Variants in GABRE observed in about 807,000 individuals in gnomAD.
GABRE encodes the protein gamma-aminobutyric acid receptor subunit epsilon.
In GABRE, 20 loss-of-function variants were observed where a neutral mutation model predicts 31.0. That is an observed-to-expected ratio of 0.64 (90% CI 0.45 to 0.94). GABRE has a LOEUF of 0.94. GABRE is among the 40% of genes least tolerant of loss of function. The pLI, the probability that GABRE is intolerant of heterozygous loss-of-function variation, is 0.00. For missense variants in GABRE, 420 were observed against 410.7 expected, an observed-to-expected ratio of 1.02 and a Z score of -0.20; for synonymous variants, 155 against 150.6, an observed-to-expected ratio of 1.03 and a Z score of -0.21.
chrX:151,956,183 T>G, intron 6 of GABRE: 1 of 247,939 alleles, frequency 4.0e-6, no homozygotes, highest in Non-Finnish European at 7.2e-6. Flanking sequence ...GCCTTCTAGA[T>G]ATCATGCCCA....
intron 1 of GABRE, chrX:151,971,982 A>G: frequency 1.4e-6 from 1 of 706,571 alleles, no homozygotes; most frequent in Non-Finnish European, 1.7e-6. Context: ...ACTTGTGAAA[A>G]GCCACTGAGC....
intron 3 of GABRE, among the ~76,000 whole-genome samples, chrX:151,965,232 CTTTT>C (rs746007268): frequency 0.012 from 1,316 of 111,820 alleles, 26 homozygotes; most frequent in African/African-American, 0.041. Context: ...CAAGGAGAAT[CTTTT>C]TTTATTTTGC....
intron 1 of GABRE, 62 bp downstream of exon 1, chrX:151,974,501 AGCCGTCC>A: frequency 3.6e-6 from 2 of 563,090 alleles, no homozygotes; most frequent in South Asian, 3.1e-5. Flanking sequence ...GGGTCCCGGG[AGCCGTCC>A]CGGCTCCCGG....
chrX:151,970,596 G>A, intron 1 of GABRE, 194 bp from the exon 2 acceptor site: 1 of 443,710 alleles, frequency 2.3e-6, no homozygotes, highest in Non-Finnish European at 3.7e-6. Flanking sequence ...TGCTCTTTGG[G>A]GACTTTCTAT....
chrX:151,969,809 G>A, intron 2 of GABRE, 73 bp from the exon 3 acceptor site: 1 of 1,162,200 alleles, frequency 8.6e-7, no homozygotes. Flanking sequence ...AGTGGTCAGA[G>A]GGGATGAAAG....
chrX:151,961,122 T>C, intron 5 of GABRE, 161 bp downstream of exon 5: 3 of 457,041 alleles, frequency 6.6e-6, no homozygotes, highest in Non-Finnish European at 7.8e-6. Context: ...AACACAGTAT[T>C]GTTGGCAGGA....
intron 1 of GABRE, chrX:151,972,668 T>C (rs2070450160): frequency 1.2e-5 from 9 of 751,859 alleles, no homozygotes; most frequent in Non-Finnish European, 1.1e-5. Context: ...AAAAATGATA[T>C]CAGAGGGTCA....
At chrX:151,956,822 C>T (rs1228755504) in intron 6 of GABRE, 3 of 111,898 alleles carry the variant, frequency 2.7e-5, no homozygotes, top group Non-Finnish European at 5.6e-5. Context: ...CATGGCTCCT[C>T]CGGGACCTGA....
chrX:151,961,980 C>G (rs1335515196), intron 4 of GABRE, among the ~76,000 whole-genome samples: 1 of 111,733 alleles, frequency 8.9e-6, no homozygotes, highest in Non-Finnish European at 1.9e-5. Flanking sequence ...CCTGCTATCC[C>G]CCACACACAA....
At chrX:151,971,984 C>T in intron 1 of GABRE, 1 of 710,083 alleles carries the variant, frequency 1.4e-6, no homozygotes, top group Non-Finnish European at 1.7e-6. Context: ...TTGTGAAAAG[C>T]CACTGAGCTG....
chrX:151,972,620 C>A (rs1934745326), intron 1 of GABRE: 2 of 751,087 alleles, frequency 2.7e-6, no homozygotes, highest in African/African-American at 4.7e-5. Flanking sequence ...AGCACTGAGA[C>A]CACCAAAGCC....
intron 3 of GABRE, among the ~76,000 whole-genome samples, chrX:151,964,651 T>G (rs997986186): frequency 1.8e-5 from 2 of 111,195 alleles, no homozygotes; most frequent in Non-Finnish European, 3.8e-5. Flanking sequence ...AAAATTGTTT[T>G]AAAAATTTAC....
chrX:151,969,743 G>C lies in GABRE; in HGVS notation c.275-7C>G. 1 of 1,209,322 alleles carries C rather than the reference G, an allele frequency of 8.3e-7. No homozygotes were observed. The highest frequency in any genetic ancestry group is 1.8e-5 in the South Asian group (1 of 56,066). ...GTGACCACAGTGGGCTTCTCTATAAGGGAAGCAGAAGCAGCAGAGGGTAAG... is the reference window on the plus strand; with the variant it reads ...GTGACCACAGTGGGCTTCTCTATAACGGAAGCAGAAGCAGCAGAGGGTAAG... On this transcript the variant is annotated splice_polypyrimidine_tract_variant and splice_region_variant and intron_variant, in intron 2 of 8. Coordinates refer to ENST00000370328, the MANE Select transcript of GABRE (RefSeq NM_004961.4).
At chrX:151,956,124 G>A in intron 6 of GABRE, 1 of 336,514 alleles carries the variant, frequency 3.0e-6, no homozygotes, top group Non-Finnish European at 5.1e-6. Flanking sequence ...CCCAATGTCT[G>A]TCTCTGCAGG....
rs762784398 is a variant in GABRE at position 151,954,961 on chromosome X, G to T, written c.1261C>A (p.Pro421Thr). The change falls in exon 9 of 9, where the codon CCG (proline) becomes ACG (threonine). Residue 421 changes from proline (P) to threonine (T), a missense_variant. Coordinates refer to ENST00000370328, the MANE Select transcript of GABRE (RefSeq NM_004961.4). Reference protein sequence around the residue: ...TTEGSDGEERPSCSAQQPPSP... With the variant: ...TTEGSDGEERTSCSAQQPPSP... ...GGGGGCTGCTGGGCTGAGCAAGACG[G>T]GCGCTCCTCTCCATCACTTCCCTCA... 8.3e-7 allele frequency: 1 copy of T among 1,205,447 alleles called. No homozygotes were observed. The highest frequency in any genetic ancestry group is 1.8e-5 in the African/African-American group (1 of 57,030).
At chrX:151,973,232 G>T (rs774753704) in intron 1 of GABRE, among the ~76,000 whole-genome samples, 2 of 110,263 alleles carry the variant, frequency 1.8e-5, no homozygotes, top group African/African-American at 6.6e-5. Context: ...AGGTTGCTAT[G>T]CTTGAAGGGC....
chrX:151,971,217 A>G (rs1385972465), intron 1 of GABRE: 2 of 473,384 alleles, frequency 4.2e-6, no homozygotes, highest in African/African-American at 4.9e-5. Flanking sequence ...TCCTGCTCAC[A>G]TTCGGGTCCT....
chrX:151,970,342 G>T lies in GABRE; in HGVS notation c.117C>A (p.Gly39=), dbSNP rs751804096. ...NEASSRDVVY[G]PQPQPLENQL... Reference sequence around the variant, plus strand: ...GATTTTCCAGAGGCTGGGGCTGGGGGCCATAGACAACATCACGGGAAGAGG... The same window carrying T: ...GATTTTCCAGAGGCTGGGGCTGGGGTCCATAGACAACATCACGGGAAGAGG... Residue 39 remains glycine, a synonymous_variant, in exon 2 of 9, where the codon GGC becomes GGA. Coordinates refer to ENST00000370328, the MANE Select transcript of GABRE (RefSeq NM_004961.4). 2 of 1,211,506 alleles carry T rather than the reference G, an allele frequency of 1.7e-6. No homozygotes were observed. The highest frequency in any genetic ancestry group is 4.3e-5 in the Admixed American group (2 of 46,075).
At position 151,955,369 on chromosome X, in the gene GABRE, T is replaced by G; in HGVS notation, c.1136A>C (p.His379Pro). The G allele has an allele frequency of 8.3e-7, 1 of 1,211,521 alleles. No individual in the cohort carries two copies. Among genetic ancestry groups the G allele is most frequent in the African/African-American group, 1.7e-5 (1 of 57,762 alleles). ...ACCACTCCCATACCCAGCTCATACA[T>G]GGCGGAGTTTAGGAGAAGCATGGGC... ...TKAHASPKLR[H>P]PRINSRAHAR... The change falls in exon 8 of 9, where the codon CAT (histidine) becomes CCT (proline). Residue 379 changes from histidine (H) to proline (P), a missense_variant and splice_region_variant. His to Pro is a moderately conservative substitution (Grantham distance 77). Coordinates refer to ENST00000370328, the MANE Select transcript of GABRE (RefSeq NM_004961.4).
Sources: gnomAD v4.1 joint callset for allele counts (sites outside exome capture counted in the v4.1 genomes callset) on GRCh38, gnomAD v4.1.1 for gene constraint, MANE v1.5 for transcripts, NCBI Gene and HGNC (gene_info 2026-07-23, HGNC 2026-07-21) for gene names.